RRBP1: variants seen among roughly 807,000 people sequenced by gnomAD.
The protein encoded by RRBP1 is ribosome-binding protein 1.
In RRBP1, 94 loss-of-function variants were observed where a neutral mutation model predicts 165.2. That is an observed-to-expected ratio of 0.57 (90% CI 0.48 to 0.68). The LOEUF is 0.68. Among genes scored for constraint, RRBP1 ranks in the 30% least tolerant of loss-of-function variants. RRBP1 has a pLI of 0.00. For synonymous variants in RRBP1, 680 were observed against 714.5 expected (o/e 0.95, Z 0.77); for missense variants, 1,676 against 1,763.0 (o/e 0.95, Z 0.88).
intron 13 of RRBP1, among the ~76,000 whole-genome samples, 156 bp from the exon 14 acceptor site, chr20:17,622,103 C>T (rs79527100): frequency 0.022 from 3,409 of 152,294 alleles, 131 homozygotes; most frequent in African/African-American, 0.075. Flanking sequence ...AGATGAGGCT[C>T]CATGGGGCTG....
At chr20:17,679,870 TCTCCTAAACCCC>T (rs2037146973) in intron 2 of RRBP1, 117 bp downstream of exon 2, 1 of 82,130 alleles carries the variant, frequency 1.2e-5, no homozygotes. Context: ...CTCTAAACCC[TCTCCTAAACCCC>T]AAGATCCCTT....
intron 2 of RRBP1, among the ~76,000 whole-genome samples, chr20:17,671,662 C>T (rs2122497709): frequency 6.6e-6 from 1 of 152,252 alleles, no homozygotes; most frequent in Admixed American, 6.5e-5. Context: ...ACTCAGGGAG[C>T]CTGTGTCCTA....
In RRBP1 at chr20:17,620,845, C is replaced by T. The variant is rs375788867; in HGVS notation, c.3415-38G>A. 8 of 1,464,236 alleles carry T rather than the reference C, an allele frequency of 5.5e-6. No individual in the cohort carries two copies. The African/African-American group carries it at 6.9e-5, about 13-fold the overall frequency. The allele number at this position is 1,464,236 out of a possible 1,614,324, so 90.7% of individuals were successfully genotyped here. ...CGAGGTGAGGCAGGGCCCTCTCCCT[C>T]CCGAGACCCGCACCACACAACCGCA... is the stretch of plus-strand genomic sequence containing the variant. On this transcript the variant is annotated intron_variant, in intron 16 of 24. Transcript: ENST00000377813.
intron 6 of RRBP1, among the ~76,000 whole-genome samples, chr20:17,636,360 T>C (rs549522068): frequency 6.6e-6 from 1 of 152,350 alleles, no homozygotes; most frequent in East Asian, 1.9e-4. Flanking sequence ...CATACCTCCC[T>C]GGCTTTTAAC....
At chr20:17,671,355 T>A (rs2036975389) in intron 2 of RRBP1, among the ~76,000 whole-genome samples, 1 of 152,222 alleles carries the variant, frequency 6.6e-6, no homozygotes, top group Non-Finnish European at 1.5e-5. Flanking sequence ...CTATTCTCTT[T>A]CGTTTGATAA....
At chr20:17,646,584 T>C (rs1173692470) in intron 3 of RRBP1, among the ~76,000 whole-genome samples, 1 of 152,222 alleles carries the variant, frequency 6.6e-6, no homozygotes, top group African/African-American at 2.4e-5. Context: ...TGCAACGTGC[T>C]TGGAACCATG....
intron 3 of RRBP1, among the ~76,000 whole-genome samples, chr20:17,658,011 C>T (rs1039309896): frequency 4.6e-5 from 7 of 152,326 alleles, no homozygotes; most frequent in Non-Finnish European, 7.3e-5. Context: ...CTTGCCAACA[C>T]GCAGAACTCT....
intron 11 of RRBP1, among the ~76,000 whole-genome samples, chr20:17,626,261 T>C (rs903657843): frequency 2.0e-5 from 3 of 152,230 alleles, no homozygotes; most frequent in Non-Finnish European, 2.9e-5. Flanking sequence ...TAATATGCTG[T>C]GTGGCCCAAG....
intron 16 of RRBP1, 37 bp downstream of exon 16, chr20:17,621,420 TC>T (rs2035910473): frequency 2.0e-6 from 3 of 1,533,838 alleles, no homozygotes; most frequent in African/African-American, 2.7e-5. Flanking sequence ...CCCTGCAGCC[TC>T]CCAGGGATGC....
intron 2 of RRBP1, among the ~76,000 whole-genome samples, chr20:17,676,044 C>T (rs1296538608): frequency 6.6e-6 from 1 of 152,104 alleles, no homozygotes; most frequent in Non-Finnish European, 1.5e-5. Context: ...ACCATTTCTA[C>T]AAAAAAACCT....
At chr20:17,633,664 C>T (rs748173656) in intron 7 of RRBP1, 51 bp from the exon 8 acceptor site, 14 of 1,592,158 alleles carry the variant, frequency 8.8e-6, no homozygotes, top group South Asian at 1.1e-5. Flanking sequence ...GTGATGGGAT[C>T]GGTGGTCCAA....
chr20:17,636,612 C>G lies in RRBP1; in HGVS notation c.2302G>C (p.Glu768Gln), dbSNP rs541134016. ...AGCTGCTGCACCTCCTTCACGTGCT[C>G]CCGGTAGCTGGCCTGCATGCGTGCC... ...VQARMQASYR[E>Q]HVKEVQQLQG... Residue 768 changes from glutamate (E) to glutamine (Q), a missense_variant, in exon 6 of 25, where the codon GAG (glutamate) becomes CAG (glutamine). Physicochemically the swap from Glu to Gln is conservative, Grantham distance 29. This residue lies in a region of RRBP1 where 1,184 missense variants were observed against 1,167.1 expected (regional missense o/e 1.01). Coordinates refer to ENST00000377813, the MANE Select transcript of RRBP1 (RefSeq NM_001365613.2). 6.7e-5 allele frequency: 108 copies of G among 1,612,536 alleles called. 1 individual carries two copies. The South Asian group carries it at 1.1e-3, about 16-fold the overall frequency.
chr20:17,658,389 C>T (rs1002101546), intron 3 of RRBP1, among the ~76,000 whole-genome samples: 17 of 152,154 alleles, frequency 1.1e-4, no homozygotes, highest in African/African-American at 3.4e-4. Flanking sequence ...AGCCACCAAC[C>T]GAGAAAGCTC....
intron 19 of RRBP1, chr20:17,619,020 T>C: frequency 3.6e-6 from 1 of 276,516 alleles, no homozygotes; most frequent in African/African-American, 2.2e-5. Context: ...ACTCTTGGGC[T>C]CAGGCAATCC....
chr20:17,631,009 G>T (rs2036140708), intron 8 of RRBP1, among the ~76,000 whole-genome samples: 1 of 152,246 alleles, frequency 6.6e-6, no homozygotes, highest in African/African-American at 2.4e-5. Flanking sequence ...CCAAGGAGGT[G>T]GCCACTAGGC....
chr20:17,623,324 C>A (rs935897791), intron 13 of RRBP1: 22 of 152,286 alleles, frequency 1.4e-4, no homozygotes, highest in African/African-American at 5.3e-4. Context: ...GGAATCACCG[C>A]AAAGCTCCTG....
intron 2 of RRBP1, among the ~76,000 whole-genome samples, chr20:17,677,743 G>C (rs1455958025): frequency 1.3e-5 from 2 of 152,080 alleles, no homozygotes; most frequent in Non-Finnish European, 1.5e-5. Context: ...GGAGGCTGAG[G>C]CAGAAGAATC....
chr20:17,666,338 T>C (rs1296732802), intron 2 of RRBP1, among the ~76,000 whole-genome samples: 1 of 144,806 alleles, frequency 6.9e-6, no homozygotes, highest in Non-Finnish European at 1.5e-5. Context: ...AGACCCTGTC[T>C]CTTAAAAAAA....
intron 1 of RRBP1, among the ~76,000 whole-genome samples, chr20:17,681,338 G>A (rs1048664221): frequency 1.2e-3 from 179 of 147,394 alleles, no homozygotes; most frequent in Non-Finnish European, 9.4e-4. Context: ...CGCACTCCGG[G>A]AAGTTGCCAC....
Sources: allele counts gnomAD v4.1 joint callset (sites outside exome capture counted in the v4.1 genomes callset), GRCh38; gene constraint gnomAD v4.1.1; regional missense constraint gnomAD v4.1.1; transcripts MANE v1.5; gene names NCBI Gene and HGNC (gene_info 2026-07-23, HGNC 2026-07-21).